The following SAMD12 variants were observed in gnomAD, a reference collection of about 807,000 sequenced individuals.
SAMD12 encodes the protein sterile alpha motif domain containing 12.
Under a neutral mutation model 15.0 loss-of-function variants are expected in SAMD12, and 9 were observed. That is an observed-to-expected ratio of 0.60 (90% CI 0.36 to 1.05). The LOEUF (loss-of-function observed/expected upper bound fraction) is 1.05, where lower values mean the gene tolerates loss of function less well. SAMD12 is among the 50% of genes least tolerant of loss of function. SAMD12 has a pLI of 0.01. For missense variants in SAMD12, 230 were observed against 234.2 expected, an observed-to-expected ratio of 0.98 and a Z score of 0.12; for synonymous variants, 86 against 90.1, an observed-to-expected ratio of 0.96 and a Z score of 0.25.
At chr8:118,185,301 T>C (rs940762898), downstream of SAMD12, among the ~76,000 whole-genome samples, 3 of 152,176 alleles carry the variant, frequency 2.0e-5, no homozygotes, top group African/African-American at 7.2e-5. Context: ...ATAAGTTATT[T>C]AGTGGTGATT....
At chr8:118,475,011 G>A (rs1823911381) in intron 2 of SAMD12, among the ~76,000 whole-genome samples, 1 of 152,102 alleles carries the variant, frequency 6.6e-6, no homozygotes, top group African/African-American at 2.4e-5. Context: ...GGCTGAGGTG[G>A]GCGGATCACT....
chr8:118,548,298 G>C (rs562534958), intron 2 of SAMD12, among the ~76,000 whole-genome samples: 1 of 151,956 alleles, frequency 6.6e-6, no homozygotes, highest in Non-Finnish European at 1.5e-5. Flanking sequence ...GCTCCAGTGG[G>C]GTAATAGATA....
intron 1 of SAMD12, among the ~76,000 whole-genome samples, chr8:118,616,476 G>C (rs1326527309): frequency 6.6e-6 from 1 of 152,224 alleles, no homozygotes; most frequent in African/African-American, 2.4e-5. Flanking sequence ...AGCACCAAGA[G>C]AATCACACAG....
At chr8:118,244,581 A>C (rs573715698) in intron 4 of SAMD12, among the ~76,000 whole-genome samples, 2 of 152,200 alleles carry the variant, frequency 1.3e-5, no homozygotes, top group East Asian at 3.9e-4. Flanking sequence ...AATCACATTG[A>C]TAGATGAAAT....
In SAMD12 at chr8:118,393,933, C is replaced by T. The variant is rs150193321; in HGVS notation, c.323-14233G>A. Among the ~76,000 whole-genome samples, 721 of 152,098 alleles carry T rather than the reference C, an allele frequency of 4.7e-3. 6 individuals are homozygous for T. The highest frequency in any genetic ancestry group is 0.015 in the African/African-American group (628 of 41,478). On this transcript the variant is annotated intron_variant, in intron 3 of 3. Transcript: ENST00000314727. ...ATTTGATCTGAAAGGATCACAAAGCCCATAACTGTAGCACTTCAAGTGAAG... is the reference window on the plus strand; with the variant it reads ...ATTTGATCTGAAAGGATCACAAAGCTCATAACTGTAGCACTTCAAGTGAAG...
intron 4 of SAMD12, among the ~76,000 whole-genome samples, chr8:118,315,342 A>G (rs1218879827): frequency 1.3e-5 from 2 of 152,230 alleles, no homozygotes; most frequent in African/African-American, 4.8e-5. Flanking sequence ...TATCAGGTCA[A>G]TATAGATATT....
rs1294349305 is a variant in SAMD12, at chr8:118,585,591, TC to T, written c.14-4699del. On this transcript the variant is annotated intron_variant, in intron 1 of 3. Coordinates refer to ENST00000314727, the MANE Select transcript of SAMD12 (RefSeq NM_207506.3). The stretch of plus-strand genomic sequence containing the variant: ...TTTGAGAGTTTATTTATGAATAATA[TC>T]ATCGTGATTTTCATCTAGAATGTTA... Among the ~76,000 whole-genome samples, 8 of 152,346 alleles carry T rather than the reference TC, an allele frequency of 5.3e-5. No individual in the cohort carries two copies. The East Asian group carries it at 1.5e-3, about 29-fold the overall frequency.
chr8:118,186,555 A>ATTTT (rs5894417), downstream of SAMD12, among the ~76,000 whole-genome samples: 800 of 146,742 alleles, frequency 5.5e-3, 10 homozygotes, highest in African/African-American at 0.019. Flanking sequence ...GTTACCCTCC[A>ATTTT]TTTTTTTTTT....
At chr8:118,596,068 A>G (rs1464002385) in intron 1 of SAMD12, among the ~76,000 whole-genome samples, 1 of 152,200 alleles carries the variant, frequency 6.6e-6, no homozygotes, top group African/African-American at 2.4e-5. Context: ...TGATAACCAG[A>G]GGAAGAGCAT....
At chr8:118,500,452 C>T (rs111667852) in intron 2 of SAMD12, among the ~76,000 whole-genome samples, 3,582 of 151,952 alleles carry the variant, frequency 0.024, 116 homozygotes, top group African/African-American at 0.076. Context: ...TAGAACCATG[C>T]CTAGGACATA....
At chr8:118,284,653 A>T (rs11562782) in intron 4 of SAMD12, 1 of 225,426 alleles carries the variant, frequency 4.4e-6, no homozygotes, top group Non-Finnish European at 8.8e-6. Context: ...TTAAAGAAGC[A>T]GTGAATTGGC....
At chr8:118,354,728 T>A (rs567139911) in intron 4 of SAMD12, among the ~76,000 whole-genome samples, 1 of 152,362 alleles carries the variant, frequency 6.6e-6, no homozygotes, top group East Asian at 1.9e-4. Context: ...GTTCTACTGG[T>A]CAGAGGTATT....
intron 1 of SAMD12, among the ~76,000 whole-genome samples, chr8:118,586,148 T>C (rs1354660784): frequency 6.6e-6 from 1 of 152,194 alleles, no homozygotes; most frequent in Non-Finnish European, 1.5e-5. Flanking sequence ...CTGCAAGCAG[T>C]GCCCTGAAAT....
intron 4 of SAMD12, among the ~76,000 whole-genome samples, chr8:118,224,845 A>C (rs1282063364): frequency 6.6e-6 from 1 of 152,196 alleles, no homozygotes; most frequent in Non-Finnish European, 1.5e-5. Flanking sequence ...ATTTCAGTAC[A>C]TCACTGGCAG....
intron 2 of SAMD12, among the ~76,000 whole-genome samples, chr8:118,497,849 A>G (rs774838065): frequency 6.6e-6 from 1 of 152,194 alleles, no homozygotes; most frequent in Non-Finnish European, 1.5e-5. Context: ...GTTTTCAGAC[A>G]TGTAAAAATG....
chr8:118,594,598 A>C (rs1827674254), intron 1 of SAMD12, among the ~76,000 whole-genome samples: 1 of 152,288 alleles, frequency 6.6e-6, no homozygotes, highest in South Asian at 2.1e-4. Flanking sequence ...GCAAAATTGA[A>C]AAAGGAAACG....
chr8:118,302,438 A>C (rs1815099126), intron 4 of SAMD12, among the ~76,000 whole-genome samples: 1 of 152,176 alleles, frequency 6.6e-6, no homozygotes, highest in Non-Finnish European at 1.5e-5. Flanking sequence ...CATTTGGAGA[A>C]TAACGAGAGG....
intron 1 of SAMD12, among the ~76,000 whole-genome samples, chr8:118,620,285 G>C (rs1828360198): frequency 6.7e-6 from 1 of 150,218 alleles, no homozygotes; most frequent in South Asian, 2.1e-4. Context: ...GACATAGAAC[G>C]GACACTTAAG....
At chr8:118,509,677 T>C (rs1825020530) in intron 2 of SAMD12, among the ~76,000 whole-genome samples, 1 of 152,198 alleles carries the variant, frequency 6.6e-6, no homozygotes, top group African/African-American at 2.4e-5. Flanking sequence ...TAGATTATGA[T>C]TAGTTTATTA....
Sources: gnomAD v4.1 joint callset for allele counts (sites outside exome capture counted in the v4.1 genomes callset) on GRCh38, gnomAD v4.1.1 for gene constraint, MANE v1.5 for transcripts, NCBI Gene and HGNC (gene_info 2026-07-23, HGNC 2026-07-21) for gene names.